The following ELAPOR2 variants were observed in gnomAD, a reference collection of about 807,000 sequenced individuals.
ELAPOR2 encodes endosome/lysosome-associated apoptosis and autophagy regulator family member 2.
In ELAPOR2, 89 loss-of-function variants were observed where a neutral mutation model predicts 120.7. The ratio of observed to expected loss-of-function variants is 0.74; its 90% CI spans 0.62 to 0.88. The LOEUF (loss-of-function observed/expected upper bound fraction) is 0.88. Among genes scored for constraint, ELAPOR2 ranks in the 40% least tolerant of loss-of-function variants. The pLI, the probability that ELAPOR2 is intolerant of heterozygous loss-of-function variation, is 0.00. For synonymous variants in ELAPOR2, 444 were observed against 444.9 expected (o/e 1.00, Z 0.03); for missense variants, 1,134 against 1,251.6 (o/e 0.91, Z 1.42).
At chr7:86,912,368 C>T (rs1055802320) in intron 14 of ELAPOR2, 123 bp from the exon 15 acceptor site, 14 of 511,844 alleles carry the variant, frequency 2.7e-5, no homozygotes, top group Non-Finnish European at 4.1e-5. Flanking sequence ...CTATAATATA[C>T]TTTACCATAC....
At chr7:86,895,767 G>C (rs1788409701) in intron 19 of ELAPOR2, among the ~76,000 whole-genome samples, 1 of 152,036 alleles carries the variant, frequency 6.6e-6, no homozygotes, top group Non-Finnish European at 1.5e-5. Flanking sequence ...TTGGATAAAA[G>C]ATCATTCAGC....
chr7:87,007,991 T>A (rs928172163), intron 1 of ELAPOR2, among the ~76,000 whole-genome samples: 2 of 152,146 alleles, frequency 1.3e-5, no homozygotes, highest in South Asian at 2.1e-4. Flanking sequence ...GATCGAAAGT[T>A]TAATGAGGAC....
Position 87,045,876 on chromosome 7 carries a change from T to C in ELAPOR2, c.189+13449A>G, listed in dbSNP as rs151272422. On this transcript the variant is annotated intron_variant, in intron 1 of 21. Transcript: ENST00000450689. ...CCAAATGGGGAAAAACTGAAAGCCT[T>C]TCCTCTAAGATCTTGAACACAACAA... Among the ~76,000 whole-genome samples the C allele has an allele frequency of 8.0e-3, 1,213 of 152,102 alleles. 16 individuals are homozygous for C. The highest frequency in any genetic ancestry group is 0.028 in the African/African-American group (1,166 of 41,530).
At chr7:87,008,542 G>A (rs1408035963) in intron 1 of ELAPOR2, among the ~76,000 whole-genome samples, 1 of 152,158 alleles carries the variant, frequency 6.6e-6, no homozygotes, top group Non-Finnish European at 1.5e-5. Flanking sequence ...TTGTTCTTAT[G>A]GAAAGATGTA....
chr7:86,938,328 C>G lies in ELAPOR2; in HGVS notation c.1001-114G>C, dbSNP rs1790651636. 3 of 717,836 alleles carry G rather than the reference C, an allele frequency of 4.2e-6. No homozygotes were observed. The African/African-American group carries it at 5.4e-5, about 13-fold the overall frequency. 44.5% of individuals were successfully genotyped at this position (717,836 alleles called of 1,614,324 possible). Reference sequence around the variant, plus strand: ...AAAAGTACAAATAAACTTACCAGGGCAATTTAGGTAGAACTACCTAGGTCT... The same window carrying G: ...AAAAGTACAAATAAACTTACCAGGGGAATTTAGGTAGAACTACCTAGGTCT... On this transcript the variant is annotated intron_variant, in intron 7 of 21. Transcript: ENST00000450689.
chr7:87,043,940 A>C (rs1185505113), intron 1 of ELAPOR2, among the ~76,000 whole-genome samples: 10 of 151,774 alleles, frequency 6.6e-5, no homozygotes, highest in Non-Finnish European at 8.8e-5. Context: ...GTGTACAAAA[A>C]TCACAAGCAT....
chr7:86,995,605 T>G (rs983555260), intron 1 of ELAPOR2, among the ~76,000 whole-genome samples: 17 of 152,214 alleles, frequency 1.1e-4, no homozygotes, highest in African/African-American at 4.1e-4. Context: ...GTTATCCTCC[T>G]GTGATTTATT....
intron 1 of ELAPOR2, among the ~76,000 whole-genome samples, chr7:86,987,106 T>C (rs969101782): frequency 1.3e-5 from 2 of 152,154 alleles, no homozygotes; most frequent in African/African-American, 2.4e-5. Context: ...AAGGATTTCC[T>C]ATTTAATAAA....
At chr7:86,935,791 C>T (rs1469120591) in intron 8 of ELAPOR2, among the ~76,000 whole-genome samples, 1 of 151,974 alleles carries the variant, frequency 6.6e-6, no homozygotes, top group African/African-American at 2.4e-5. Context: ...ATAACCAGTG[C>T]TCAGTAAAGA....
chr7:86,962,816 GA>G (rs149121362), intron 2 of ELAPOR2, among the ~76,000 whole-genome samples: 2,424 of 152,270 alleles, frequency 0.016, 61 homozygotes, highest in African/African-American at 0.056. Context: ...ATTAGCAATA[GA>G]AAATCTAAGC....
At chr7:86,924,285 G>A (rs1789957771) in intron 10 of ELAPOR2, among the ~76,000 whole-genome samples, 1 of 151,678 alleles carries the variant, frequency 6.6e-6, no homozygotes, top group Non-Finnish European at 1.5e-5. Flanking sequence ...AAGCAAGTGG[G>A]TAAATCAAGT....
At chr7:86,921,567 C>T (rs1316649862) in intron 10 of ELAPOR2, among the ~76,000 whole-genome samples, 1 of 152,092 alleles carries the variant, frequency 6.6e-6, no homozygotes, top group Non-Finnish European at 1.5e-5. Flanking sequence ...GACTTCTGGC[C>T]TCTAGAACTC....
At chr7:86,936,437 T>A (rs1444811609) in intron 8 of ELAPOR2, among the ~76,000 whole-genome samples, 2 of 152,042 alleles carry the variant, frequency 1.3e-5, no homozygotes, top group Admixed American at 1.3e-4. Context: ...CCACAAAAAA[T>A]TTCAAATTCA....
At chr7:86,952,090 C>CACCTTGT (rs1791277818) in intron 2 of ELAPOR2, among the ~76,000 whole-genome samples, 1 of 152,206 alleles carries the variant, frequency 6.6e-6, no homozygotes, top group Non-Finnish European at 1.5e-5. Context: ...GTCAAAGTGT[C>CACCTTGT]ACCTTGTTCA....
In ELAPOR2 at chr7:86,944,929, A is replaced by C; in HGVS notation, c.624T>G (p.Tyr208Ter). 6.5e-7 allele frequency: 1 copy of C among 1,549,548 alleles called. No individual in the cohort carries two copies. The highest frequency in any genetic ancestry group is 1.2e-5 in the South Asian group (1 of 83,582). The change falls in exon 4 of 22, where the codon TAT becomes TAG. Residue 208 changes from tyrosine to a stop codon, truncating the protein, a stop_gained. Transcript: ENST00000450689. LOFTEE classifies it high-confidence loss of function. ...KSGYVFFEYQYVDNNIFFEFF... is the reference protein window; with the variant it reads ...KSGYVFFEYQ ...ACTCAAAGAAGATGTTGTTGTCGAC[A>C]TACTGGTACTCAAAGAAGACATAGC...
intron 1 of ELAPOR2, among the ~76,000 whole-genome samples, chr7:86,979,748 C>G (rs541771534): frequency 6.6e-6 from 1 of 152,222 alleles, no homozygotes; most frequent in Non-Finnish European, 1.5e-5. Flanking sequence ...GCTAGGATCC[C>G]AAGCACAGGT....
intron 1 of ELAPOR2, among the ~76,000 whole-genome samples, chr7:87,030,234 A>G (rs1332816044): frequency 1.3e-5 from 2 of 152,160 alleles, no homozygotes; most frequent in Non-Finnish European, 2.9e-5. Context: ...GCTACAAAAG[A>G]TGGATTCTAA....
intron 1 of ELAPOR2, among the ~76,000 whole-genome samples, chr7:87,022,052 G>A (rs758501929): frequency 3.3e-5 from 5 of 152,002 alleles, no homozygotes; most frequent in Non-Finnish European, 5.9e-5. Context: ...ATAGGTTAGT[G>A]AATAAACTAA....
chr7:86,935,198 C>G (rs1790511987), intron 8 of ELAPOR2, among the ~76,000 whole-genome samples: 1 of 152,082 alleles, frequency 6.6e-6, no homozygotes, highest in South Asian at 2.1e-4. Context: ...GGCCAAAATT[C>G]CTAATATGGC....
Sources: allele counts gnomAD v4.1 joint callset (sites outside exome capture counted in the v4.1 genomes callset), GRCh38; gene constraint gnomAD v4.1.1; transcripts MANE v1.5; gene names NCBI Gene and HGNC (gene_info 2026-07-23, HGNC 2026-07-21).